The following FOXN3 variants were observed in gnomAD, a reference collection of about 807,000 sequenced individuals.
FOXN3 encodes forkhead box N3, also known as forkhead box protein N3.
In FOXN3, 7 loss-of-function variants were observed where a neutral mutation model predicts 38.4. The observed-to-expected ratio is 0.18, with a 90% CI of 0.10 to 0.34. FOXN3 has a LOEUF of 0.34. FOXN3 is among the 10% of genes least tolerant of loss of function. The pLI is 1.00. For synonymous variants in FOXN3, 230 were observed against 242.2 expected (o/e 0.95, Z 0.47); for missense variants, 456 against 613.4 (o/e 0.74, Z 2.71).
At chr14:89,201,433 T>G (rs1203082953) in intron 4 of FOXN3, among the ~76,000 whole-genome samples, 1 of 152,174 alleles carries the variant, frequency 6.6e-6, no homozygotes, top group African/African-American at 2.4e-5. Flanking sequence ...CAGCTGAAGC[T>G]CACCGCCCAG....
intron 2 of FOXN3, among the ~76,000 whole-genome samples, chr14:89,360,770 C>CTCCACCACCACCACCTCCAGCACT (rs1889498124): frequency 9.6e-6 from 1 of 103,976 alleles, no homozygotes; most frequent in Non-Finnish European, 2.0e-5. Flanking sequence ...CCACCACTAC[C>CTCCACCACCACCACCTCCAGCACT]ACCTCCACCA....
upstream of FOXN3, chr14:89,417,641 C>G: frequency 2.2e-6 from 1 of 455,036 alleles, no homozygotes; most frequent in Non-Finnish European, 4.4e-6. Context: ...ATCTGCATGC[C>G]TTACATGGCT....
intron 1 of FOXN3, among the ~76,000 whole-genome samples, chr14:89,473,591 C>T (rs1192736457): frequency 6.6e-6 from 1 of 152,054 alleles, no homozygotes; most frequent in African/African-American, 2.4e-5. Flanking sequence ...CAGTCTCAAG[C>T]TCCTGGACTC....
At chr14:89,245,952 A>C (rs1425172272) in intron 4 of FOXN3, among the ~76,000 whole-genome samples, 1 of 152,070 alleles carries the variant, frequency 6.6e-6, no homozygotes, top group Non-Finnish European at 1.5e-5. Flanking sequence ...ATCATTGCTC[A>C]CTTTCCTGCA....
chr14:89,179,186 C>A (rs754422213), intron 5 of FOXN3, among the ~76,000 whole-genome samples: 1 of 152,118 alleles, frequency 6.6e-6, no homozygotes, highest in Non-Finnish European at 1.5e-5. Context: ...GGAAAATATC[C>A]CCTTGTCAGA....
chr14:89,169,378 C>T (rs556007637), intron 5 of FOXN3, among the ~76,000 whole-genome samples: 186 of 152,196 alleles, frequency 1.2e-3, no homozygotes, highest in Non-Finnish European at 2.2e-3. Context: ...GAGGCTGAGG[C>T]TGCAGTGAGC....
chr14:89,281,490 T>C (rs942877843), intron 3 of FOXN3, among the ~76,000 whole-genome samples: 4 of 152,220 alleles, frequency 2.6e-5, no homozygotes, highest in African/African-American at 9.6e-5. Context: ...TATATGGAGA[T>C]GACCTTAATC....
chr14:89,335,902 T>G (rs572727691), intron 3 of FOXN3, among the ~76,000 whole-genome samples: 3 of 152,096 alleles, frequency 2.0e-5, no homozygotes, highest in African/African-American at 7.2e-5. Flanking sequence ...ATTAGAAAGA[T>G]AGCTGAAGTA....
chr14:89,504,032 A>G (rs1893857328), intron 1 of FOXN3, among the ~76,000 whole-genome samples: 1 of 152,142 alleles, frequency 6.6e-6, no homozygotes, highest in East Asian at 1.9e-4. Flanking sequence ...TTGCTCTGAC[A>G]CTTGTTTGCA....
intron 1 of FOXN3, among the ~76,000 whole-genome samples, chr14:89,581,429 C>A (rs905549334): frequency 1.1e-4 from 16 of 151,634 alleles, no homozygotes; most frequent in Non-Finnish European, 2.2e-4. Context: ...TTGCAGTGAG[C>A]CAAGATCGTG....
At chr14:89,436,359 G>A (rs1281889021) in intron 1 of FOXN3, among the ~76,000 whole-genome samples, 1 of 150,966 alleles carries the variant, frequency 6.6e-6, no homozygotes. Flanking sequence ...AAGACTTTTG[G>A]TCATGGTGTC....
intron 1 of FOXN3, among the ~76,000 whole-genome samples, chr14:89,488,154 C>T (rs555676645): frequency 1.3e-5 from 2 of 150,980 alleles, no homozygotes; most frequent in Non-Finnish European, 2.9e-5. Flanking sequence ...ACAATCTCAG[C>T]TCACTGCAAC....
intron 4 of FOXN3, among the ~76,000 whole-genome samples, chr14:89,186,665 T>C (rs1244566960): frequency 6.6e-6 from 1 of 152,168 alleles, no homozygotes; most frequent in African/African-American, 2.4e-5. Context: ...GCGTGAGACA[T>C]GGTGGCTCTC....
intron 2 of FOXN3, among the ~76,000 whole-genome samples, chr14:89,377,864 G>T (rs1383828479): frequency 6.6e-6 from 1 of 152,184 alleles, no homozygotes; most frequent in Non-Finnish European, 1.5e-5. Context: ...AGTCATTAGG[G>T]TGACCCCTAA....
chr14:89,505,004 T>G (rs1566678297), intron 1 of FOXN3, among the ~76,000 whole-genome samples: 1 of 152,098 alleles, frequency 6.6e-6, no homozygotes, highest in Non-Finnish European at 1.5e-5. Flanking sequence ...ATGATCTCCA[T>G]CCTGGTCAGC....
chr14:89,404,773 A>G (rs11159908), intron 2 of FOXN3, among the ~76,000 whole-genome samples: 151,473 of 152,090 alleles, frequency 1, 75,433 homozygotes, highest in Middle Eastern at 1. Flanking sequence ...CCGACGCTGG[A>G]CAAGGCAGCC....
intron 4 of FOXN3, among the ~76,000 whole-genome samples, chr14:89,181,602 C>T (rs117229483): frequency 0.012 from 1,793 of 152,318 alleles, 13 homozygotes; most frequent in Middle Eastern, 0.027. Flanking sequence ...CCTAAACACA[C>T]GCATCCCTGG....
intron 2 of FOXN3, among the ~76,000 whole-genome samples, chr14:89,372,196 A>T (rs898732171): frequency 5.3e-5 from 8 of 152,202 alleles, no homozygotes; most frequent in Non-Finnish European, 7.3e-5. Flanking sequence ...GATAGCAATC[A>T]GGCAGGAAAA....
intron 1 of FOXN3, among the ~76,000 whole-genome samples, chr14:89,428,266 C>G (rs1178568146): frequency 6.6e-6 from 1 of 152,184 alleles, no homozygotes; most frequent in Non-Finnish European, 1.5e-5. Context: ...TTACAACAGC[C>G]AAACCTGAAG....
Sources: allele counts gnomAD v4.1 joint callset (sites outside exome capture counted in the v4.1 genomes callset), GRCh38; gene constraint gnomAD v4.1.1; transcripts MANE v1.5; gene names NCBI Gene and HGNC (gene_info 2026-07-23, HGNC 2026-07-21).